DNAAF11: variants seen among roughly 807,000 people sequenced by gnomAD.
DNAAF11 encodes dynein axonemal assembly factor 11, also known as leucine rich repeat containing 6.
Under a neutral mutation model 60.8 loss-of-function variants are expected in DNAAF11, and 45 were observed. The ratio of observed to expected loss-of-function variants is 0.74; its 90% CI spans 0.58 to 0.95. The LOEUF (loss-of-function observed/expected upper bound fraction) is 0.95. Ranked by LOEUF, DNAAF11 falls within the 40% of genes least tolerant of loss-of-function variation. DNAAF11 has a pLI of 0.00. For missense variants in DNAAF11, 546 were observed against 546.2 expected, an observed-to-expected ratio of 1.00 and a Z score of 0.00; for synonymous variants, 191 against 183.5, an observed-to-expected ratio of 1.04 and a Z score of -0.33.
chr8:132,612,843 G>C (rs1352149653), intron 8 of DNAAF11, among the ~76,000 whole-genome samples: 5 of 152,152 alleles, frequency 3.3e-5, no homozygotes, highest in African/African-American at 1.2e-4. Flanking sequence ...AGAATCATGG[G>C]AATGAAAGAG....
chr8:132,608,982 T>G (rs1390634933), intron 10 of DNAAF11, among the ~76,000 whole-genome samples: 5 of 152,208 alleles, frequency 3.3e-5, no homozygotes, highest in African/African-American at 1.2e-4. Flanking sequence ...AAGTTTGTAC[T>G]CTTCATAGCT....
the DNAAF11 span, among the ~76,000 whole-genome samples, chr8:132,692,457 G>T: frequency 6.6e-6 from 1 of 152,188 alleles, no homozygotes. Flanking sequence ...GAGCTTCCAA[G>T]CTGGCCAACC....
Position 132,632,826 on chromosome 8 carries a change from C to G in DNAAF11, c.567G>C (p.Arg189Ser). 1.2e-6 allele frequency: 2 copies of G among 1,613,920 alleles called. No homozygotes were observed. Among genetic ancestry groups the G allele is most frequent in the Non-Finnish European group, 1.7e-6 (2 of 1,179,868 alleles). Residue 189 changes from arginine (R) to serine (S), a missense_variant, in exon 5 of 12, where the codon AGG becomes AGC. By Grantham distance (110) the Arg-to-Ser change is moderately radical. Coordinates refer to ENST00000620350, the MANE Select transcript of DNAAF11 (RefSeq NM_012472.6). The stretch of plus-strand genomic sequence containing the variant: ...CATTTTTATCCTCTTCTTGGTGTTT[C>G]CTCTGAGCCTCTTCCTTGAGTTTGG... ...KRAKLKEEAQ[R>S]KHQEEDKNED...
chr8:132,603,273 G>GTAAA (rs1479841049), intron 10 of DNAAF11, among the ~76,000 whole-genome samples: 1 of 152,124 alleles, frequency 6.6e-6, no homozygotes, highest in Non-Finnish European at 1.5e-5. Context: ...TGAGAAGATG[G>GTAAA]TAGTATGTAG....
intron 10 of DNAAF11, among the ~76,000 whole-genome samples, chr8:132,606,526 G>A (rs1162789656): frequency 2.0e-5 from 3 of 152,150 alleles, no homozygotes; most frequent in African/African-American, 7.2e-5. Flanking sequence ...CAAGGCTGGA[G>A]TGCAGTGGCA....
chr8:132,615,862 A>G (rs567006239), intron 7 of DNAAF11, among the ~76,000 whole-genome samples: 2 of 152,296 alleles, frequency 1.3e-5, no homozygotes, highest in Non-Finnish European at 2.9e-5. Flanking sequence ...CATACAACTC[A>G]ACAATATTAA....
chr8:132,659,763 C>T (rs894529048), intron 2 of DNAAF11, among the ~76,000 whole-genome samples: 4 of 152,062 alleles, frequency 2.6e-5, no homozygotes, highest in Admixed American at 2.6e-4. Flanking sequence ...CTAGAAGCAA[C>T]CACATCACCA....
At chr8:132,664,478 T>C (rs538685127) in intron 1 of DNAAF11, among the ~76,000 whole-genome samples, 69 of 152,188 alleles carry the variant, frequency 4.5e-4, no homozygotes, top group Non-Finnish European at 3.1e-4. Flanking sequence ...TAAGAAACTC[T>C]TTCTTCCTTT....
At chr8:132,669,742 A>G (rs966408791) in intron 1 of DNAAF11, among the ~76,000 whole-genome samples, 6 of 152,182 alleles carry the variant, frequency 3.9e-5, no homozygotes, top group African/African-American at 1.4e-4. Flanking sequence ...CTAAAAATCT[A>G]TACAAAACAT....
At chr8:132,691,032 C>A in the DNAAF11 span, among the ~76,000 whole-genome samples, 1 of 150,966 alleles carries the variant, frequency 6.6e-6, no homozygotes. Context: ...ATTCTATATT[C>A]TTTGGAAGAA....
intron 8 of DNAAF11, among the ~76,000 whole-genome samples, chr8:132,612,816 G>A (rs934603023): frequency 1.3e-5 from 2 of 152,132 alleles, no homozygotes; most frequent in African/African-American, 4.8e-5. Context: ...AGGAATTATA[G>A]CATAATTCAT....
chr8:132,636,588 C>CCAGGCTCAGCTGCAGCACTGACA (rs1821319843), intron 4 of DNAAF11, among the ~76,000 whole-genome samples: 3 of 152,142 alleles, frequency 2.0e-5, no homozygotes, highest in South Asian at 4.2e-4. Context: ...TCTAGCCTGA[C>CCAGGCTCAGCTGCAGCACTGACA]CAGGCTCAGC....
At chr8:132,677,098 C>T (rs1391928124), upstream of DNAAF11, among the ~76,000 whole-genome samples, 61 of 152,196 alleles carry the variant, frequency 4.0e-4, no homozygotes, top group Non-Finnish European at 7.4e-5. Flanking sequence ...GGGTAAACAT[C>T]TGTGGTCGTG....
intron 10 of DNAAF11, among the ~76,000 whole-genome samples, chr8:132,606,875 T>G (rs911659995): frequency 6.6e-6 from 1 of 152,368 alleles, no homozygotes; most frequent in African/African-American, 2.4e-5. Context: ...TGTATAGCTG[T>G]ATAATGTATT....
At chr8:132,599,410 C>G (rs1044528702) in intron 10 of DNAAF11, among the ~76,000 whole-genome samples, 2 of 152,176 alleles carry the variant, frequency 1.3e-5, no homozygotes, top group African/African-American at 4.8e-5. Flanking sequence ...CAGAATACTC[C>G]CTAACTCATT....
intron 11 of DNAAF11, among the ~76,000 whole-genome samples, chr8:132,577,927 A>G (rs1392537586): frequency 6.6e-6 from 1 of 151,816 alleles, no homozygotes. Flanking sequence ...TCAGCCTCCC[A>G]AAGTGCTGGA....
In DNAAF11 at chr8:132,632,933, C is replaced by T. The variant is rs1333027351; in HGVS notation, c.460G>A (p.Glu154Lys). 9.9e-6 allele frequency: 16 copies of T among 1,612,866 alleles called. No homozygotes were observed. The highest frequency in any genetic ancestry group is 2.7e-5 in the African/African-American group (2 of 74,866). The part of the protein sequence containing the change: ...WLDGKEIEPS[E>K]RIKALQDYSV... ...TAGTCCTGCAATGCCTTAATCCTTT[C>T]TGAAGGCTCTATTTCTTTACCATCC... The change falls in exon 5 of 12, where the codon GAA (glutamate) becomes AAA (lysine). Residue 154 changes from glutamate (E) to lysine (K), a missense_variant. Transcript: ENST00000620350.
At chr8:132,658,581 A>G (rs1006121849) in intron 2 of DNAAF11, among the ~76,000 whole-genome samples, 3 of 152,186 alleles carry the variant, frequency 2.0e-5, no homozygotes, top group African/African-American at 7.2e-5. Context: ...TTAGCCTCCC[A>G]AAGTGTTGGG....
the DNAAF11 span, among the ~76,000 whole-genome samples, chr8:132,690,124 G>T: frequency 6.6e-6 from 1 of 152,130 alleles, no homozygotes. Flanking sequence ...TAGAAAAATT[G>T]CAAAGATAGT....
Sources: gnomAD v4.1 joint callset for allele counts (sites outside exome capture counted in the v4.1 genomes callset) on GRCh38, gnomAD v4.1.1 for gene constraint, MANE v1.5 for transcripts, NCBI Gene and HGNC (gene_info 2026-07-23, HGNC 2026-07-21) for gene names.